The following IMPG1 variants were observed in gnomAD, a reference collection of about 807,000 sequenced individuals.
The protein encoded by IMPG1 is interphotoreceptor matrix proteoglycan of 150 kDa.
Under a neutral mutation model 92.0 loss-of-function variants are expected in IMPG1, and 85 were observed. The observed-to-expected ratio is 0.92, with a 90% CI of 0.78 to 1.11. The LOEUF is 1.11. Ranked by LOEUF, IMPG1 falls within the 50% of genes least tolerant of loss-of-function variation. The pLI is 0.00. For missense variants in IMPG1, 1,022 were observed against 956.0 expected, an observed-to-expected ratio of 1.07 and a Z score of -0.91; for synonymous variants, 367 against 334.1, an observed-to-expected ratio of 1.10 and a Z score of -1.08.
At chr6:76,063,113 C>T (rs989443824) in intron 1 of IMPG1, among the ~76,000 whole-genome samples, 4 of 151,476 alleles carry the variant, frequency 2.6e-5, no homozygotes, top group East Asian at 1.9e-4. Flanking sequence ...CTGAGGCAGG[C>T]GAATCGCTGG....
intron 14 of IMPG1, among the ~76,000 whole-genome samples, chr6:75,940,003 C>A (rs1332507910): frequency 6.6e-6 from 1 of 152,224 alleles, no homozygotes; most frequent in Non-Finnish European, 1.5e-5. Flanking sequence ...GCCCTCTACT[C>A]TTTTCACTCA....
intron 15 of IMPG1, among the ~76,000 whole-genome samples, chr6:75,924,756 C>A (rs111280038): frequency 0.93 from 27,290 of 29,470 alleles, 12,740 homozygotes; most frequent in Middle Eastern, 1. Flanking sequence ...TATAATATAT[C>A]ATATAATTAT....
At chr6:75,976,725 C>T (rs1410045543) in intron 12 of IMPG1, among the ~76,000 whole-genome samples, 1 of 151,828 alleles carries the variant, frequency 6.6e-6, no homozygotes, top group Non-Finnish European at 1.5e-5. Flanking sequence ...TCCTGGCCAA[C>T]ACGGTGAAAC....
At chr6:76,066,924 A>T (rs1029640776) in intron 1 of IMPG1, among the ~76,000 whole-genome samples, 1 of 152,140 alleles carries the variant, frequency 6.6e-6, no homozygotes. Flanking sequence ...GTACATGGAA[A>T]GAAATAACCT....
intron 14 of IMPG1, among the ~76,000 whole-genome samples, chr6:75,939,949 C>A (rs1192445900): frequency 1.3e-5 from 2 of 152,180 alleles, no homozygotes; most frequent in Non-Finnish European, 2.9e-5. Flanking sequence ...ATTCCATTTG[C>A]TTTTGTAAAG....
intron 15 of IMPG1, among the ~76,000 whole-genome samples, chr6:75,924,194 G>T (rs1275042256): frequency 6.6e-6 from 1 of 150,908 alleles, no homozygotes; most frequent in Non-Finnish European, 1.5e-5. Context: ...GGTTCCTAAA[G>T]AAATTAAAAA....
At chr6:76,064,897 A>T (rs1301719160) in intron 1 of IMPG1, among the ~76,000 whole-genome samples, 2 of 152,162 alleles carry the variant, frequency 1.3e-5, no homozygotes, top group Admixed American at 1.3e-4. Context: ...GACCTCTGCC[A>T]TATTGGCACC....
At chr6:75,973,966 C>A (rs890011891) in intron 12 of IMPG1, among the ~76,000 whole-genome samples, 1 of 152,108 alleles carries the variant, frequency 6.6e-6, no homozygotes, top group African/African-American at 2.4e-5. Flanking sequence ...ATTAAAAAAG[C>A]AAAAATTATC....
chr6:75,961,137 G>A (rs1351368716), intron 12 of IMPG1, among the ~76,000 whole-genome samples: 1 of 152,192 alleles, frequency 6.6e-6, no homozygotes, highest in Non-Finnish European at 1.5e-5. Context: ...AACAGTGTGT[G>A]AGGAACAAGT....
intron 1 of IMPG1, among the ~76,000 whole-genome samples, chr6:76,065,226 T>C (rs953827505): frequency 2.0e-5 from 3 of 152,032 alleles, no homozygotes; most frequent in African/African-American, 7.2e-5. Context: ...TCTCCCACAA[T>C]GGATCTTAAC....
At chr6:75,956,639 T>C (rs968907656) in intron 12 of IMPG1, among the ~76,000 whole-genome samples, 22 of 152,162 alleles carry the variant, frequency 1.4e-4, no homozygotes, top group African/African-American at 4.8e-4. Flanking sequence ...TGCTAGCTTT[T>C]GAATTTGTTT....
chr6:75,951,223 ATT>A (rs11414729), intron 12 of IMPG1, 129 bp from the exon 13 acceptor site: 1,522 of 578,546 alleles, frequency 2.6e-3, no homozygotes, highest in East Asian at 0.018. Flanking sequence ...TTCAATAGTC[ATT>A]TTTTTTTTTT....
intron 2 of IMPG1, among the ~76,000 whole-genome samples, chr6:76,040,185 T>G (rs555623971): frequency 6.6e-5 from 10 of 152,110 alleles, no homozygotes; most frequent in Non-Finnish European, 1.0e-4. Flanking sequence ...AGAAAAACAA[T>G]GGTTTGTTTC....
intron 12 of IMPG1, among the ~76,000 whole-genome samples, chr6:75,972,123 A>G (rs1204648406): frequency 6.6e-6 from 1 of 152,124 alleles, no homozygotes; most frequent in Non-Finnish European, 1.5e-5. Context: ...ATGTCCACTT[A>G]TATATATAAA....
At position 76,034,554 on chromosome 6, in the gene IMPG1, C is replaced by T. The variant is rs538068026; in HGVS notation, c.468+67G>A. ...ACGTTGTGGAAACCAATTCAAAAGG[C>T]CTAGGGGCTGGAGCCTGGGAACTGT... On this transcript the variant is annotated intron_variant, in intron 3 of 16. Coordinates refer to ENST00000369950, the MANE Select transcript of IMPG1 (RefSeq NM_001563.4). 9 of 1,534,430 alleles carry T rather than the reference C, an allele frequency of 5.9e-6. No homozygotes were observed. In the Admixed American group the frequency reaches 8.5e-5, roughly 15 times the overall value.
At chr6:76,071,291 T>A (rs1048721832) in intron 1 of IMPG1, among the ~76,000 whole-genome samples, 1 of 150,442 alleles carries the variant, frequency 6.6e-6, no homozygotes, top group Non-Finnish European at 1.5e-5. Context: ...TTAACACAGC[T>A]GAATTGCTTG....
At chr6:76,043,228 G>A (rs939813860) in intron 1 of IMPG1, among the ~76,000 whole-genome samples, 2 of 151,818 alleles carry the variant, frequency 1.3e-5, no homozygotes, top group Admixed American at 6.6e-5. Context: ...CCGATGAACA[G>A]TTGGGACCTC....
chr6:76,048,324 C>T (rs1222348319), intron 1 of IMPG1, among the ~76,000 whole-genome samples: 1 of 152,206 alleles, frequency 6.6e-6, no homozygotes. Flanking sequence ...ACACACTTTT[C>T]TCAGATTTCT....
Position 75,946,877 on chromosome 6 carries a change from AT to A in IMPG1, c.2044+436del, listed in dbSNP as rs149759917. On this transcript the variant is annotated intron_variant, in intron 14 of 16. Coordinates refer to ENST00000369950, the MANE Select transcript of IMPG1 (RefSeq NM_001563.4). ...GCTGTCTCTGATCCTGAATTACATG[AT>A]GAAGTAGCTATTCTGATAATGAACT... 0.012 allele frequency among the ~76,000 whole-genome samples: 1,801 copies of A among 152,194 alleles called. 69 individuals carry two copies. The East Asian group carries it at 0.14, about 12-fold the overall frequency.
Sources: allele counts gnomAD v4.1 joint callset (sites outside exome capture counted in the v4.1 genomes callset), GRCh38; gene constraint gnomAD v4.1.1; transcripts MANE v1.5; gene names NCBI Gene and HGNC (gene_info 2026-07-23, HGNC 2026-07-21).